Variants in CHRM3 observed in about 807,000 individuals in gnomAD.
CHRM3 encodes the protein cholinergic receptor muscarinic 3, also known as muscarinic acetylcholine receptor M3.
A neutral mutation model predicts 41.8 loss-of-function variants in CHRM3; 11 were observed. That is an observed-to-expected ratio of 0.26 (90% CI 0.17 to 0.44). CHRM3 has a LOEUF of 0.44. CHRM3 is among the 20% of genes least tolerant of loss of function. The pLI, the probability that CHRM3 is intolerant of heterozygous loss-of-function variation, is 1.00. For synonymous variants in CHRM3, 297 were observed against 301.4 expected, an observed-to-expected ratio of 0.99 and a Z score of 0.15; for missense variants, 571 against 745.4, an observed-to-expected ratio of 0.77 and a Z score of 2.72.
rs12403814 is a variant in CHRM3 at position 239,467,868 on chromosome 1, G to T, written c.-520-24841G>T. 1.9e-4 allele frequency among the ~76,000 whole-genome samples: 28 copies of T among 150,944 alleles called. No individual in the cohort carries two copies. The East Asian group carries it at 4.5e-3, about 24-fold the overall frequency. ...TTTCCCGAGTGTCATCCTTAAAATA[G>T]AATTCATCATTTTCTCCACCAATTT... On this transcript the variant is annotated intron_variant, in intron 1 of 6. Coordinates refer to ENST00000676153, the MANE Select transcript of CHRM3 (RefSeq NM_001375978.1).
At chr1:239,859,819 T>TTATATATATATA (rs55700294) in intron 6 of CHRM3, among the ~76,000 whole-genome samples, 4,596 of 130,380 alleles carry the variant, frequency 0.035, 137 homozygotes, top group Admixed American at 0.042. Context: ...TCTAAGTGTT[T>TTATATATATATA]TATATATATA....
At chr1:239,804,145 A>C (rs1411982074) in intron 5 of CHRM3, among the ~76,000 whole-genome samples, 1 of 152,160 alleles carries the variant, frequency 6.6e-6, no homozygotes, top group East Asian at 1.9e-4. Flanking sequence ...TACTGTGAAA[A>C]TCCATGGAAT....
intron 5 of CHRM3, among the ~76,000 whole-genome samples, chr1:239,817,194 C>T (rs964187258): frequency 3.9e-5 from 6 of 152,130 alleles, no homozygotes; most frequent in African/African-American, 1.2e-4. Flanking sequence ...TATACCATTG[C>T]CCTGTGGGGA....
intron 4 of CHRM3, among the ~76,000 whole-genome samples, chr1:239,653,337 G>A (rs1271530418): frequency 6.6e-6 from 1 of 152,132 alleles, no homozygotes; most frequent in Non-Finnish European, 1.5e-5. Context: ...AGACACAGAA[G>A]GGGATAAGAT....
chr1:239,555,945 G>T (rs1159183647), intron 3 of CHRM3, among the ~76,000 whole-genome samples: 3 of 152,184 alleles, frequency 2.0e-5, no homozygotes, highest in Non-Finnish European at 4.4e-5. Context: ...ACCGTGCTGA[G>T]ATGGTTTTCG....
chr1:239,647,258 A>T (rs555903431), intron 4 of CHRM3, among the ~76,000 whole-genome samples: 1 of 151,734 alleles, frequency 6.6e-6, no homozygotes, highest in Non-Finnish European at 1.5e-5. Flanking sequence ...TCACCACATC[A>T]CTCCAACTGT....
At chr1:239,430,530 T>G (rs948678702) in intron 1 of CHRM3, among the ~76,000 whole-genome samples, 2 of 152,082 alleles carry the variant, frequency 1.3e-5, no homozygotes, top group Non-Finnish European at 2.9e-5. Context: ...GAAAACCATG[T>G]TCAGCTTAAT....
At chr1:239,482,337 A>G (rs1666912888) in intron 1 of CHRM3, among the ~76,000 whole-genome samples, 1 of 152,180 alleles carries the variant, frequency 6.6e-6, no homozygotes. Context: ...TGTGATGGGA[A>G]ACACTGTGGC....
At chr1:239,739,564 A>T (rs1664666644) in intron 5 of CHRM3, among the ~76,000 whole-genome samples, 1 of 152,124 alleles carries the variant, frequency 6.6e-6, no homozygotes, top group African/African-American at 2.4e-5. Context: ...CACTCTTGGA[A>T]CTGGCTAACT....
intron 5 of CHRM3, among the ~76,000 whole-genome samples, chr1:239,765,697 G>A (rs189589992): frequency 1.5e-3 from 232 of 152,158 alleles, no homozygotes; most frequent in Non-Finnish European, 2.5e-3. Context: ...GTATGGATAC[G>A]TTAAAAAGGG....
At chr1:239,818,424 C>A (rs2149029821) in intron 5 of CHRM3, among the ~76,000 whole-genome samples, 1 of 152,290 alleles carries the variant, frequency 6.6e-6, no homozygotes, top group African/African-American at 2.4e-5. Context: ...GTGACATTTG[C>A]CCTCACCCTT....
chr1:239,690,898 C>G (rs1425888994), intron 5 of CHRM3, among the ~76,000 whole-genome samples: 1 of 151,796 alleles, frequency 6.6e-6, no homozygotes, highest in Non-Finnish European at 1.5e-5. Context: ...AGACAGGATC[C>G]AGTGGGTTAA....
chr1:239,574,218 C>T (rs1475449590), intron 3 of CHRM3, among the ~76,000 whole-genome samples: 1 of 152,110 alleles, frequency 6.6e-6, no homozygotes, highest in African/African-American at 2.4e-5. Context: ...GAGTGATACC[C>T]CTATACTCAG....
At chr1:239,510,618 C>T (rs564852584) in intron 2 of CHRM3, among the ~76,000 whole-genome samples, 20 of 151,790 alleles carry the variant, frequency 1.3e-4, no homozygotes, top group Non-Finnish European at 2.4e-4. Flanking sequence ...GTTACCACAA[C>T]CTCAGCCTCC....
intron 5 of CHRM3, among the ~76,000 whole-genome samples, chr1:239,695,224 A>G (rs920172272): frequency 2.6e-5 from 4 of 152,094 alleles, no homozygotes; most frequent in Admixed American, 6.5e-5. Context: ...GTTGGCCAGG[A>G]TGGTGTCTGT....
rs1680247631 is a variant in CHRM3, at chr1:239,909,661, T to A, written c.*437T>A. On this transcript the variant is annotated 3_prime_UTR_variant, in exon 7 of 7. Transcript: ENST00000676153. The stretch of plus-strand genomic sequence containing the variant: ...AGACCCCAAGTGGAACACTGCAGGC[T>A]TACGAATCTGTGGTTCCAAAATTAT... 1 of 171,824 alleles carries A rather than the reference T, an allele frequency of 5.8e-6. No individual in the cohort carries two copies. Among genetic ancestry groups the A allele is most frequent in the Admixed American group, 6.3e-5 (1 of 15,910 alleles). 10.6% of individuals were successfully genotyped at this position (171,824 alleles called of 1,614,324 possible). A position where few individuals can be genotyped will look rare whatever the true frequency, so the allele number is the denominator to read the frequency against.
chr1:239,453,885 A>G (rs1040699829), intron 1 of CHRM3, among the ~76,000 whole-genome samples: 1 of 152,164 alleles, frequency 6.6e-6, no homozygotes, highest in Non-Finnish European at 1.5e-5. Flanking sequence ...TCCCCAGTGA[A>G]GGGAGAGGGG....
At chr1:239,537,550 G>A (rs1451648192) in intron 2 of CHRM3, among the ~76,000 whole-genome samples, 1 of 152,058 alleles carries the variant, frequency 6.6e-6, no homozygotes, top group Non-Finnish European at 1.5e-5. Context: ...CATGAGATTT[G>A]GAGGGACCTC....
chr1:239,567,013 A>G (rs1483871972), intron 3 of CHRM3, among the ~76,000 whole-genome samples: 1 of 152,248 alleles, frequency 6.6e-6, no homozygotes, highest in African/African-American at 2.4e-5. Context: ...TTGTGTTTGA[A>G]GGATTGAATG....
Sources: gnomAD v4.1 joint callset for allele counts (sites outside exome capture counted in the v4.1 genomes callset) on GRCh38, gnomAD v4.1.1 for gene constraint, MANE v1.5 for transcripts, NCBI Gene and HGNC (gene_info 2026-07-23, HGNC 2026-07-21) for gene names.